THEMIS: variants seen among roughly 807,000 people sequenced by gnomAD.
The protein encoded by THEMIS is protein THEMIS.
THEMIS carries 37 observed loss-of-function variants against 52.6 expected under a neutral mutation model. That is an observed-to-expected ratio of 0.70 (90% CI 0.54 to 0.93). THEMIS has a LOEUF of 0.93. Ranked by LOEUF, THEMIS falls within the 40% of genes least tolerant of loss-of-function variation. THEMIS has a pLI of 0.00. For missense variants in THEMIS, 808 were observed against 763.1 expected (o/e 1.06, Z -0.69); for synonymous variants, 292 against 272.7 (o/e 1.07, Z -0.70).
At chr6:127,911,893 C>A (rs866464615) in intron 1 of THEMIS, among the ~76,000 whole-genome samples, 1 of 151,514 alleles carries the variant, frequency 6.6e-6, no homozygotes, top group Non-Finnish European at 1.5e-5. Context: ...GTCCTTCAGA[C>A]CCCAGAATGG....
At chr6:127,791,574 C>T (rs1562260401) in intron 4 of THEMIS, among the ~76,000 whole-genome samples, 1 of 152,158 alleles carries the variant, frequency 6.6e-6, no homozygotes, top group Admixed American at 6.5e-5. Context: ...AGGCTTCAGG[C>T]CGTCCCTGGC....
At chr6:127,758,105 TG>T (rs1775896921) in intron 4 of THEMIS, among the ~76,000 whole-genome samples, 1 of 151,228 alleles carries the variant, frequency 6.6e-6, no homozygotes, top group South Asian at 2.1e-4. Flanking sequence ...AGATTTGAAC[TG>T]GTTAAAAATT....
intron 4 of THEMIS, among the ~76,000 whole-genome samples, chr6:127,723,570 G>C (rs1774436980): frequency 6.6e-6 from 1 of 151,960 alleles, no homozygotes; most frequent in South Asian, 2.1e-4. Context: ...AATGAGATGA[G>C]GTGTAGAGAG....
chr6:127,763,837 A>C (rs1459820492), intron 4 of THEMIS, among the ~76,000 whole-genome samples: 1 of 151,974 alleles, frequency 6.6e-6, no homozygotes, highest in Non-Finnish European at 1.5e-5. Flanking sequence ...ATATCATGCT[A>C]AAGTATATCA....
intron 2 of THEMIS, among the ~76,000 whole-genome samples, chr6:127,852,741 A>T (rs1451447116): frequency 6.6e-6 from 1 of 151,542 alleles, no homozygotes; most frequent in South Asian, 2.1e-4. Context: ...CTTTCTCCTT[A>T]GTGCTGATGT....
At chr6:127,891,367 C>A (rs1292903602) in intron 1 of THEMIS, among the ~76,000 whole-genome samples, 2 of 151,744 alleles carry the variant, frequency 1.3e-5, no homozygotes, top group Non-Finnish European at 2.9e-5. Flanking sequence ...CCTGTCCCTA[C>A]TAAAAATGCG....
chr6:127,884,440 T>C (rs150139432), intron 1 of THEMIS, among the ~76,000 whole-genome samples: 1 of 152,254 alleles, frequency 6.6e-6, no homozygotes, highest in Non-Finnish European at 1.5e-5. Context: ...TATAACTGAA[T>C]TAGGCACCCC....
intron 4 of THEMIS, among the ~76,000 whole-genome samples, chr6:127,774,594 A>T (rs760090592): frequency 9.2e-5 from 14 of 152,234 alleles, no homozygotes; most frequent in Non-Finnish European, 1.8e-4. Context: ...AATCACAGAG[A>T]TAGCACATAT....
At chr6:127,777,514 A>G (rs916878343) in intron 4 of THEMIS, among the ~76,000 whole-genome samples, 7 of 152,194 alleles carry the variant, frequency 4.6e-5, no homozygotes, top group African/African-American at 1.4e-4. Context: ...ATATCACTAC[A>G]TAGCCTAATA....
intron 4 of THEMIS, among the ~76,000 whole-genome samples, chr6:127,749,805 A>G (rs1467847052): frequency 6.6e-6 from 1 of 151,580 alleles, no homozygotes; most frequent in Non-Finnish European, 1.5e-5. Context: ...AAAGTTTATT[A>G]GAGCAAAATA....
At chr6:127,851,522 T>C (rs1190133929) in intron 2 of THEMIS, among the ~76,000 whole-genome samples, 2 of 151,662 alleles carry the variant, frequency 1.3e-5, no homozygotes, top group African/African-American at 2.4e-5. Flanking sequence ...TTTAAAAAAA[T>C]GAGCAAAAGA....
intron 4 of THEMIS, among the ~76,000 whole-genome samples, chr6:127,787,790 G>A (rs12193453): frequency 0.057 from 8,558 of 150,308 alleles, 305 homozygotes; most frequent in African/African-American, 0.087. Flanking sequence ...AAGTCAGCCT[G>A]CCACAGTGAT....
chr6:127,847,889 A>AATTATTATTATTATT (rs71543127), intron 2 of THEMIS, among the ~76,000 whole-genome samples: 16 of 146,524 alleles, frequency 1.1e-4, no homozygotes, highest in South Asian at 4.3e-4. Flanking sequence ...CTCAATTTCA[A>AATTATTATTATTATT]ATTATTATTA....
the THEMIS span, among the ~76,000 whole-genome samples, chr6:127,702,896 C>A: frequency 1.3e-5 from 2 of 152,012 alleles, no homozygotes; most frequent in African/African-American, 4.8e-5. Flanking sequence ...ATGGGAAAGA[C>A]CTGCCCCCAT....
At chr6:127,826,657 C>A (rs907025050) in intron 3 of THEMIS, among the ~76,000 whole-genome samples, 1 of 152,078 alleles carries the variant, frequency 6.6e-6, no homozygotes, top group Non-Finnish European at 1.5e-5. Flanking sequence ...CTTTCAGAGG[C>A]AAATATAAAT....
chr6:127,783,066 G>A (rs1010271485), intron 4 of THEMIS, among the ~76,000 whole-genome samples: 1 of 152,014 alleles, frequency 6.6e-6, no homozygotes, highest in Non-Finnish European at 1.5e-5. Flanking sequence ...ACAGAACAGA[G>A]GCCTCAGAAA....
chr6:127,775,180 T>C (rs1434511634), intron 4 of THEMIS, among the ~76,000 whole-genome samples: 4 of 152,170 alleles, frequency 2.6e-5, no homozygotes, highest in Non-Finnish European at 5.9e-5. Context: ...TAATGACATA[T>C]GTTTGCAGCT....
intron 4 of THEMIS, among the ~76,000 whole-genome samples, chr6:127,751,222 G>T (rs1775631552): frequency 6.6e-6 from 1 of 151,750 alleles, no homozygotes; most frequent in Non-Finnish European, 1.5e-5. Flanking sequence ...TAAAATGTGT[G>T]TCGGGGGAAG....
At chr6:127,812,526 T>C (rs1160427409) in intron 4 of THEMIS, among the ~76,000 whole-genome samples, 3 of 152,054 alleles carry the variant, frequency 2.0e-5, no homozygotes, top group Admixed American at 1.3e-4. Context: ...GGTATTAAAT[T>C]TTACTTAGAA....
Sources: allele counts gnomAD v4.1 joint callset (sites outside exome capture counted in the v4.1 genomes callset), GRCh38; gene constraint gnomAD v4.1.1; transcripts MANE v1.5; gene names NCBI Gene and HGNC (gene_info 2026-07-23, HGNC 2026-07-21).